LEPR: variants seen among roughly 807,000 people sequenced by gnomAD.
The protein encoded by LEPR is leptin receptor.
In LEPR, 56 loss-of-function variants were observed where a neutral mutation model predicts 114.7. That is an observed-to-expected ratio of 0.49 (90% CI 0.39 to 0.61). The LOEUF (loss-of-function observed/expected upper bound fraction) is 0.61, where lower values mean the gene tolerates loss of function less well. Among genes scored for constraint, LEPR ranks in the 20% least tolerant of loss-of-function variants. LEPR has a pLI of 0.00. For missense variants in LEPR, 1,202 were observed against 1,352.9 expected, an observed-to-expected ratio of 0.89 and a Z score of 1.75; for synonymous variants, 443 against 461.4, an observed-to-expected ratio of 0.96 and a Z score of 0.51.
intron 15 of LEPR, among the ~76,000 whole-genome samples, chr1:65,617,419 A>G (rs1305776417): frequency 1.3e-5 from 2 of 152,240 alleles, no homozygotes; most frequent in Non-Finnish European, 2.9e-5. Context: ...GCTCCTAACA[A>G]GAGCAGCCAG....
chr1:65,620,390 A>G (rs1657801931), intron 17 of LEPR, among the ~76,000 whole-genome samples: 1 of 152,206 alleles, frequency 6.6e-6, no homozygotes, highest in Admixed American at 6.5e-5. Context: ...AAATTCATAC[A>G]TGTATTATCC....
intron 2 of LEPR, among the ~76,000 whole-genome samples, chr1:65,436,773 C>T (rs368205695): frequency 9.2e-5 from 14 of 152,212 alleles, no homozygotes; most frequent in Admixed American, 7.2e-4. Flanking sequence ...TTACACACTT[C>T]GGAATGAATG....
chr1:65,499,860 A>G (rs1205337878), intron 2 of LEPR, among the ~76,000 whole-genome samples: 15 of 152,106 alleles, frequency 9.9e-5, no homozygotes, highest in Admixed American at 6.6e-5. Context: ...GATTTTCTAG[A>G]AAAGAGTTCA....
intron 2 of LEPR, among the ~76,000 whole-genome samples, chr1:65,438,356 C>G (rs1011019444): frequency 1.3e-5 from 2 of 151,598 alleles, no homozygotes; most frequent in Admixed American, 6.6e-5. Context: ...TCAAGACCAT[C>G]CTGACCAACA....
intron 12 of LEPR, among the ~76,000 whole-genome samples, chr1:65,609,536 A>G (rs925201526): frequency 1.3e-5 from 2 of 152,230 alleles, no homozygotes; most frequent in African/African-American, 4.8e-5. Context: ...CAAATGTGAC[A>G]GTTTAGCTGC....
chr1:65,572,360 A>C lies in LEPR; in HGVS notation c.405A>C (p.Gly135=). Residue 135 remains glycine (G), a synonymous_variant, in exon 5 of 20, where the codon GGA becomes GGC. Coordinates refer to ENST00000349533, the MANE Select transcript of LEPR (RefSeq NM_002303.6). The stretch of plus-strand genomic sequence containing the variant: ...GGAACATACAGTGCTGGCTAAAAGG[A>C]GACTTAAAATTATTCATCTGTTATG... ...ANWNIQCWLK[G]DLKLFICYVE... is the part of the protein sequence containing the mutation. The C allele has an allele frequency of 6.4e-7, 1 of 1,566,338 alleles. No homozygotes were observed.
rs184829182 is a variant in LEPR, at chr1:65,554,764, A to T, written c.-20-10782A>T. Among the ~76,000 whole-genome samples, 37 of 152,072 alleles carry T rather than the reference A, an allele frequency of 2.4e-4. No homozygotes were observed. In the East Asian group the frequency reaches 6.6e-3, roughly 27 times the overall value. ...CCAGGCACTGCTGGGGTATGAAAAA[A>T]AAAACTCCTGCAACTAGTTTGGTGT... On this transcript the variant is annotated intron_variant, in intron 2 of 19. Coordinates refer to ENST00000349533, the MANE Select transcript of LEPR (RefSeq NM_002303.6).
Position 65,610,098 on chromosome 1 carries a change from A to G in LEPR, c.1904A>G (p.Asp635Gly). The G allele has an allele frequency of 6.2e-7, 1 of 1,614,202 alleles. No homozygotes were observed. The highest frequency in any genetic ancestry group is 8.5e-7 in the Non-Finnish European group (1 of 1,180,012). The stretch of plus-strand genomic sequence containing the variant: ...AATCCAGCCTACACAGTTGTCATGG[A>G]TATAAAAGGTCTGCAGAGATTTTGT... ...WSNPAYTVVM[D>G]IKVPMRGPEF... Residue 635 changes from aspartate (D) to glycine (G), a missense_variant, in exon 13 of 20, where the codon GAT becomes GGT. Transcript: ENST00000349533.
At chr1:65,457,006 T>C (rs988147371) in intron 2 of LEPR, among the ~76,000 whole-genome samples, 1 of 152,200 alleles carries the variant, frequency 6.6e-6, no homozygotes, top group Admixed American at 6.5e-5. Context: ...TTTTTAGTGT[T>C]TGCCCTAAAA....
chr1:65,552,557 C>A (rs1652474138), intron 2 of LEPR, among the ~76,000 whole-genome samples: 1 of 152,040 alleles, frequency 6.6e-6, no homozygotes, highest in Admixed American at 6.6e-5. Flanking sequence ...TTTCCATTTG[C>A]TTGATAAATA....
chr1:65,471,918 G>GC (rs1291605443), intron 2 of LEPR, among the ~76,000 whole-genome samples: 9 of 152,084 alleles, frequency 5.9e-5, no homozygotes, highest in African/African-American at 1.9e-4. Context: ...CTTTAGTCTG[G>GC]CCAGAAATGT....
chr1:65,619,028 AG>A lies in LEPR; in HGVS notation c.2395+883del, dbSNP rs559675816. ...ATTCCAGGAGGTGAGTCAAGCACAA[AG>A]TATAAGTGCACAAGACAGCATTTCT... On this transcript the variant is annotated intron_variant, in intron 16 of 19. Coordinates refer to ENST00000349533, the MANE Select transcript of LEPR (RefSeq NM_002303.6). Among the ~76,000 whole-genome samples, 41 of 152,254 alleles carry A rather than the reference AG, an allele frequency of 2.7e-4. 3 individuals carry two copies. The South Asian group carries it at 8.3e-3, about 31-fold the overall frequency.
intron 2 of LEPR, among the ~76,000 whole-genome samples, chr1:65,461,566 T>C (rs78389216): frequency 0.033 from 5,013 of 152,262 alleles, 274 homozygotes; most frequent in African/African-American, 0.11. Context: ...TCCATACTGA[T>C]ACAAATAAAT....
At chr1:65,441,411 T>G (rs1252919306) in intron 2 of LEPR, among the ~76,000 whole-genome samples, 1 of 152,170 alleles carries the variant, frequency 6.6e-6, no homozygotes, top group Non-Finnish European at 1.5e-5. Context: ...GACTCACACT[T>G]CCTTAGGTTT....
intron 2 of LEPR, among the ~76,000 whole-genome samples, chr1:65,499,344 G>C (rs1024580547): frequency 6.6e-6 from 1 of 151,982 alleles, no homozygotes; most frequent in Non-Finnish European, 1.5e-5. Context: ...GGTGGGTGGC[G>C]TAAAATGGAA....
At chr1:65,547,573 A>G (rs1459899375) in intron 2 of LEPR, among the ~76,000 whole-genome samples, 1 of 151,680 alleles carries the variant, frequency 6.6e-6, no homozygotes, top group Non-Finnish European at 1.5e-5. Context: ...CATTTCTTCT[A>G]GATTTTCTAG....
intron 11 of LEPR, among the ~76,000 whole-genome samples, chr1:65,606,223 T>A (rs1480427707): frequency 6.6e-6 from 1 of 152,094 alleles, no homozygotes; most frequent in Admixed American, 6.5e-5. Context: ...ACTGTTTAAT[T>A]CCATTTTAAG....
chr1:65,520,341 G>A (rs1450698467), intron 2 of LEPR, among the ~76,000 whole-genome samples: 2 of 152,138 alleles, frequency 1.3e-5, no homozygotes, highest in African/African-American at 2.4e-5. Flanking sequence ...GTCTGTAGCT[G>A]TAGCATTTAC....
intron 14 of LEPR, 67 bp from the exon 15 acceptor site, chr1:65,615,941 A>C: frequency 6.3e-7 from 1 of 1,591,796 alleles, no homozygotes; most frequent in South Asian, 1.1e-5. Context: ...AATGAGAGTT[A>C]TGTGAGCTCA....
Sources: gnomAD v4.1 joint callset for allele counts (sites outside exome capture counted in the v4.1 genomes callset) on GRCh38, gnomAD v4.1.1 for gene constraint, MANE v1.5 for transcripts, NCBI Gene and HGNC (gene_info 2026-07-23, HGNC 2026-07-21) for gene names.